The following PKHD1 variants were observed in gnomAD, a reference collection of about 807,000 sequenced individuals.
PKHD1 encodes fibrocystin.
In PKHD1, 291 loss-of-function variants were observed where a neutral mutation model predicts 412.0. The ratio of observed to expected loss-of-function variants is 0.71; its 90% CI spans 0.64 to 0.78. The LOEUF (loss-of-function observed/expected upper bound fraction) is 0.78, where lower values mean the gene tolerates loss of function less well. Among genes scored for constraint, PKHD1 ranks in the 30% least tolerant of loss-of-function variants. The pLI, the probability that PKHD1 is intolerant of heterozygous loss-of-function variation, is 0.00. For synonymous variants in PKHD1, 1,777 were observed against 1,821.5 expected (o/e 0.98, Z 0.62); for missense variants, 4,825 against 4,950.7 (o/e 0.97, Z 0.76).
chr6:51,626,823 C>A (rs1767293654), intron 66 of PKHD1, among the ~76,000 whole-genome samples, 174 bp downstream of exon 66: 1 of 152,016 alleles, frequency 6.6e-6, no homozygotes, highest in African/African-American at 2.4e-5. Context: ...CTGAGTGAAC[C>A]AGCCAGACCT....
intron 53 of PKHD1, among the ~76,000 whole-genome samples, chr6:51,790,907 G>A (rs561894905): frequency 5.9e-5 from 9 of 152,238 alleles, no homozygotes; most frequent in African/African-American, 1.4e-4. Context: ...CTGAAAGAGC[G>A]AGTTAAAGGC....
rs756512562 is a variant in PKHD1, at chr6:52,056,893, A to C, written c.1599T>G (p.His533Gln). The change falls in exon 17 of 67, where the codon CAT becomes CAG. Residue 533 changes from histidine to glutamine, a missense_variant. Physicochemically the swap from His to Gln is conservative, Grantham distance 24. Coordinates refer to ENST00000371117, the MANE Select transcript of PKHD1 (RefSeq NM_138694.4). ...ATTTTTTGAAGAAGTCTCCCACCAG[A>C]TGGGCTGTGGCATTTGCAGGGATTG... The part of the protein sequence containing the change: ...SQPIPANATA[H>Q]LIQTTIEELL... 1 of 1,612,362 alleles carries C rather than the reference A, an allele frequency of 6.2e-7. No homozygotes were observed. The highest frequency in any genetic ancestry group is 2.2e-5 in the East Asian group (1 of 44,868).
At chr6:51,709,646 T>C (rs570047310) in intron 60 of PKHD1, among the ~76,000 whole-genome samples, 3 of 152,352 alleles carry the variant, frequency 2.0e-5, no homozygotes, top group African/African-American at 7.2e-5. Flanking sequence ...AATGTGTTTA[T>C]GGAATATTAT....
At chr6:51,728,161 T>G (rs1424566926) in intron 60 of PKHD1, among the ~76,000 whole-genome samples, 1 of 152,198 alleles carries the variant, frequency 6.6e-6, no homozygotes, top group Non-Finnish European at 1.5e-5. Context: ...ACAAGGCACC[T>G]CTGGAATTCT....
At chr6:51,810,001 T>C (rs933989177) in intron 52 of PKHD1, among the ~76,000 whole-genome samples, 17 of 152,068 alleles carry the variant, frequency 1.1e-4, no homozygotes, top group African/African-American at 4.1e-4. Flanking sequence ...AGAGTAGGCA[T>C]TCACGTTTTA....
chr6:51,920,587 C>G (rs1174628391), intron 37 of PKHD1, among the ~76,000 whole-genome samples: 1 of 152,062 alleles, frequency 6.6e-6, no homozygotes, highest in Non-Finnish European at 1.5e-5. Context: ...CTAAAATTCT[C>G]TTTTTTGGTT....
intron 60 of PKHD1, among the ~76,000 whole-genome samples, chr6:51,682,569 A>G (rs1776833217): frequency 6.6e-6 from 1 of 152,120 alleles, no homozygotes; most frequent in African/African-American, 2.4e-5. Context: ...AAATGCACAC[A>G]GCTGGCTCTG....
intron 60 of PKHD1, among the ~76,000 whole-genome samples, chr6:51,691,156 C>CA (rs1351355281): frequency 2.3e-5 from 3 of 133,186 alleles, no homozygotes; most frequent in Non-Finnish European, 4.9e-5. Context: ...CAAAAAATAA[C>CA]AGAAGCTGGC....
At chr6:51,883,322 G>A (rs1777677707) in intron 45 of PKHD1, 95 bp from the exon 46 acceptor site, 1 of 1,139,692 alleles carries the variant, frequency 8.8e-7, no homozygotes. Flanking sequence ...GTAGAAAGAA[G>A]CATGCTATAT....
At chr6:51,630,650 A>G (rs1214008641) in intron 65 of PKHD1, among the ~76,000 whole-genome samples, 3 of 152,212 alleles carry the variant, frequency 2.0e-5, no homozygotes, top group South Asian at 2.1e-4. Context: ...AATGACAGGC[A>G]CAGAGAGCAT....
At chr6:51,802,421 A>G (rs1326574) in intron 52 of PKHD1, among the ~76,000 whole-genome samples, 90,824 of 151,142 alleles carry the variant, frequency 0.6, 28,364 homozygotes, top group East Asian at 0.83. Flanking sequence ...TGAGGTTTGG[A>G]GATAAAATCC....
chr6:52,065,101 A>T (rs1367521026), intron 12 of PKHD1, 51 bp from the exon 13 acceptor site: 1 of 673,090 alleles, frequency 1.5e-6, no homozygotes, highest in South Asian at 1.4e-5. Context: ...AGGTATACAT[A>T]TATATGTATA....
intron 63 of PKHD1, among the ~76,000 whole-genome samples, chr6:51,641,182 C>T (rs2580016): frequency 0.025 from 3,804 of 152,248 alleles, 174 homozygotes; most frequent in African/African-American, 0.086. Flanking sequence ...GTGATTTCTT[C>T]CCTACTTCAT....
At chr6:51,890,732 C>G (rs1372854266) in intron 43 of PKHD1, among the ~76,000 whole-genome samples, 1 of 152,080 alleles carries the variant, frequency 6.6e-6, no homozygotes, top group Non-Finnish European at 1.5e-5. Context: ...GCTTAGCGTG[C>G]ACAGAGAGAT....
chr6:51,722,695 A>G (rs1431694195), intron 60 of PKHD1, among the ~76,000 whole-genome samples: 1 of 152,224 alleles, frequency 6.6e-6, no homozygotes, highest in Admixed American at 6.6e-5. Context: ...AATTAACATA[A>G]TAAATCTTTC....
Position 51,731,320 on chromosome 6 carries a change from T to C in PKHD1, c.10156+13065A>G, listed in dbSNP as rs191644494. ...AAAATCAAGTAATTTCATTTACAGA[T>C]AGGTATTCAAAAATAGCTCCTCTTG... On this transcript the variant is annotated intron_variant, in intron 60 of 66. Coordinates refer to ENST00000371117, the MANE Select transcript of PKHD1 (RefSeq NM_138694.4). Among the ~76,000 whole-genome samples, 25 of 152,334 alleles carry C rather than the reference T, an allele frequency of 1.6e-4. No homozygotes were observed. In the East Asian group the frequency reaches 4.4e-3, roughly 27 times the overall value.
At chr6:51,725,028 G>A (rs550987808) in intron 60 of PKHD1, among the ~76,000 whole-genome samples, 1 of 152,276 alleles carries the variant, frequency 6.6e-6, no homozygotes, top group East Asian at 1.9e-4. Context: ...ATGCCATGTG[G>A]CTCAGATCTT....
In PKHD1 at chr6:51,931,599, C is replaced by T. The variant is rs148667800; in HGVS notation, c.6121+2511G>A. Among the ~76,000 whole-genome samples, 402 of 152,258 alleles carry T rather than the reference C, an allele frequency of 2.6e-3. 3 individuals are homozygous for T. Among genetic ancestry groups the T allele is most frequent in the African/African-American group, 8.9e-3 (371 of 41,540 alleles). On this transcript the variant is annotated intron_variant, in intron 37 of 66. Coordinates refer to ENST00000371117, the MANE Select transcript of PKHD1 (RefSeq NM_138694.4). Reference sequence around the variant, plus strand: ...CTGACAGATACATCAGGAAAGGAATCCCTGTCACCCAAATGGCTGAGCTCT... The same window carrying T: ...CTGACAGATACATCAGGAAAGGAATTCCTGTCACCCAAATGGCTGAGCTCT...
At chr6:51,983,321 C>T (rs1321372917) in intron 35 of PKHD1, among the ~76,000 whole-genome samples, 1 of 152,128 alleles carries the variant, frequency 6.6e-6, no homozygotes, top group Non-Finnish European at 1.5e-5. Flanking sequence ...ATTGTGTAAA[C>T]GGAATCTCCT....
Sources: gnomAD v4.1 joint callset for allele counts (sites outside exome capture counted in the v4.1 genomes callset) on GRCh38, gnomAD v4.1.1 for gene constraint, MANE v1.5 for transcripts, NCBI Gene and HGNC (gene_info 2026-07-23, HGNC 2026-07-21) for gene names.